Variants in SMCO2 observed in about 807,000 individuals in gnomAD.
SMCO2 encodes single-pass membrane and coiled-coil domain-containing protein 2.
A neutral mutation model predicts 29.5 loss-of-function variants in SMCO2; 25 were observed. The observed-to-expected ratio is 0.85, with a 90% CI of 0.62 to 1.18. The LOEUF (loss-of-function observed/expected upper bound fraction) is 1.18. Ranked by LOEUF, SMCO2 falls within the 50% of genes most tolerant of loss-of-function variation. The pLI, the probability that SMCO2 is intolerant of heterozygous loss-of-function variation, is 0.00. For synonymous variants in SMCO2, 117 were observed against 123.3 expected, an observed-to-expected ratio of 0.95 and a Z score of 0.34; for missense variants, 348 against 344.5, an observed-to-expected ratio of 1.01 and a Z score of -0.08.
the SMCO2 span, among the ~76,000 whole-genome samples, chr12:27,457,130 T>C: frequency 4.0e-5 from 6 of 151,882 alleles, no homozygotes; most frequent in East Asian, 7.7e-4. Context: ...AGGGCAGAGG[T>C]TGGCTACCCC....
chr12:27,436,297 AG>A, the SMCO2 span, among the ~76,000 whole-genome samples: 1 of 152,110 alleles, frequency 6.6e-6, no homozygotes, highest in Admixed American at 6.5e-5. Context: ...AACAACACAA[AG>A]GTTGCTTTGT....
chr12:27,432,474 C>T, the SMCO2 span, among the ~76,000 whole-genome samples: 1 of 152,124 alleles, frequency 6.6e-6, no homozygotes, highest in African/African-American at 2.4e-5. Flanking sequence ...TTACTCAGTT[C>T]AGCATTGTAA....
In SMCO2 at chr12:27,476,970, T is replaced by C. The variant is rs74680011; in HGVS notation, c.362+2057T>C. Among the ~76,000 whole-genome samples, 1,330 of 152,200 alleles carry C rather than the reference T, an allele frequency of 8.7e-3. 27 individuals are homozygous for C. Among genetic ancestry groups the C allele is most frequent in the African/African-American group, 0.03 (1,253 of 41,554 alleles). On this transcript the variant is annotated intron_variant, in intron 4 of 7. Transcript: ENST00000298876. ...ATAATTGCAGTTTGATGGTTTTCTG[T>C]AGTGGTAATGTTTGATTTTTGTCTC...
the SMCO2 span, among the ~76,000 whole-genome samples, chr12:27,457,166 C>T: frequency 1.3e-5 from 2 of 152,054 alleles, no homozygotes; most frequent in African/African-American, 4.8e-5. Context: ...CTCTTGGTGG[C>T]AGGCCTAACA....
chr12:27,485,170 C>A (rs1232919567), intron 4 of SMCO2, among the ~76,000 whole-genome samples: 1 of 151,242 alleles, frequency 6.6e-6, no homozygotes, highest in African/African-American at 2.4e-5. Flanking sequence ...TCATTTCAGA[C>A]TTTCTATCAC....
chr12:27,481,874 C>A (rs1949646194), intron 4 of SMCO2, among the ~76,000 whole-genome samples: 1 of 151,940 alleles, frequency 6.6e-6, no homozygotes, highest in Admixed American at 6.6e-5. Context: ...ATATTTGTGT[C>A]TTCTTTTCTT....
chr12:27,427,795 G>A, the SMCO2 span, among the ~76,000 whole-genome samples: 1 of 152,094 alleles, frequency 6.6e-6, no homozygotes, highest in Non-Finnish European at 1.5e-5. Flanking sequence ...ATCAAGATGG[G>A]GAAATTGCAA....
Position 27,470,695 on chromosome 12 carries a change from G to T in SMCO2, c.64G>T (p.Glu22Ter), listed in dbSNP as rs377557693. ...TCTGCAGATGAAGATGGACTGCCAG[G>T]AACAACAGCTGACTAAGAAAAACAA... Residue 22 changes from glutamate (E) to a stop codon, truncating the protein, a stop_gained, in exon 2 of 8, where the codon GAA becomes TAA. Transcript: ENST00000298876. LOFTEE classifies it high-confidence loss of function. The T allele has an allele frequency of 3.9e-5, 61 of 1,551,102 alleles. No individual in the cohort carries two copies. Among genetic ancestry groups the T allele is most frequent in the Non-Finnish European group, 4.4e-5 (50 of 1,146,718 alleles).
intron 5 of SMCO2, among the ~76,000 whole-genome samples, chr12:27,490,819 C>A (rs550152147): frequency 6.6e-6 from 1 of 152,058 alleles, no homozygotes; most frequent in East Asian, 1.9e-4. Flanking sequence ...GTAGTCCCAG[C>A]TACTTAGGAG....
the SMCO2 span, among the ~76,000 whole-genome samples, chr12:27,447,215 C>T: frequency 6.2e-4 from 95 of 152,266 alleles, 2 homozygotes; most frequent in Admixed American, 4.8e-3. Context: ...CTTTCACCTC[C>T]AGCCCCTTCT....
At chr12:27,493,013 C>T (rs758253955) in intron 5 of SMCO2, among the ~76,000 whole-genome samples, 20 of 152,120 alleles carry the variant, frequency 1.3e-4, no homozygotes, top group Admixed American at 1.0e-3. Flanking sequence ...TAAAAAAGAA[C>T]GAGATCATGT....
the SMCO2 span, among the ~76,000 whole-genome samples, chr12:27,447,435 C>T: frequency 6.6e-6 from 1 of 152,064 alleles, no homozygotes; most frequent in South Asian, 2.1e-4. Flanking sequence ...CATGGACCAG[C>T]TGCAACAGCC....
At chr12:27,432,641 G>A in the SMCO2 span, among the ~76,000 whole-genome samples, 1 of 152,110 alleles carries the variant, frequency 6.6e-6, no homozygotes, top group Non-Finnish European at 1.5e-5. Context: ...TTTTCTTGTT[G>A]AACCCAAAGT....
chr12:27,484,407 C>T (rs1446306270), intron 4 of SMCO2, among the ~76,000 whole-genome samples: 2 of 151,974 alleles, frequency 1.3e-5, no homozygotes, highest in East Asian at 3.9e-4. Flanking sequence ...AAACTATCTT[C>T]TGTGATACAG....
At chr12:27,452,817 T>C in the SMCO2 span, among the ~76,000 whole-genome samples, 1 of 152,194 alleles carries the variant, frequency 6.6e-6, no homozygotes, top group African/African-American at 2.4e-5. Context: ...TTACTTTCCT[T>C]TGGGGAGATG....
At chr12:27,451,384 G>A in the SMCO2 span, among the ~76,000 whole-genome samples, 1 of 151,910 alleles carries the variant, frequency 6.6e-6, no homozygotes, top group South Asian at 2.1e-4. Context: ...ATCCATTTCT[G>A]TCTCTTCTCT....
At chr12:27,444,198 T>A in the SMCO2 span, among the ~76,000 whole-genome samples, 1 of 152,168 alleles carries the variant, frequency 6.6e-6, no homozygotes, top group Non-Finnish European at 1.5e-5. Context: ...TCCACGCATT[T>A]ACAACCAACT....
At chr12:27,491,206 G>A (rs1334758111) in intron 5 of SMCO2, among the ~76,000 whole-genome samples, 1 of 152,150 alleles carries the variant, frequency 6.6e-6, no homozygotes, top group African/African-American at 2.4e-5. Context: ...GAAAAGAGAA[G>A]GAGGGAAAAT....
At chr12:27,451,888 T>C in the SMCO2 span, among the ~76,000 whole-genome samples, 4 of 152,356 alleles carry the variant, frequency 2.6e-5, no homozygotes, top group South Asian at 8.3e-4. Flanking sequence ...TCTAGAATCC[T>C]CCTGGGCCTG....
Sources: allele counts gnomAD v4.1 joint callset (sites outside exome capture counted in the v4.1 genomes callset), GRCh38; gene constraint gnomAD v4.1.1; transcripts MANE v1.5; gene names NCBI Gene and HGNC (gene_info 2026-07-23, HGNC 2026-07-21).